The following NRP2 variants were observed in gnomAD, a reference collection of about 807,000 sequenced individuals.
The protein encoded by NRP2 is neuropilin 2.
NRP2 carries 52 observed loss-of-function variants against 110.4 expected under a neutral mutation model. That is an observed-to-expected ratio of 0.47 (90% CI 0.38 to 0.59). The LOEUF is 0.59. Ranked by LOEUF, NRP2 falls within the 20% of genes least tolerant of loss-of-function variation. The pLI is 0.00. For missense variants in NRP2, 1,049 were observed against 1,203.0 expected, an observed-to-expected ratio of 0.87 and a Z score of 1.89; for synonymous variants, 508 against 468.9, an observed-to-expected ratio of 1.08 and a Z score of -1.08.
chr2:205,683,641 CA>C (rs2056071918), intron 1 of NRP2, among the ~76,000 whole-genome samples: 1 of 151,994 alleles, frequency 6.6e-6, no homozygotes, highest in African/African-American at 2.4e-5. Flanking sequence ...TGGACTGAAT[CA>C]AAGGTTTAAA....
rs376188302 is a variant in NRP2 at position 205,716,411 on chromosome 2, G to T, written c.433+37G>T. ...CACACGTAGGGGCCGGGAGATGGGC[G>T]TCTTAGAGAAGAAGGAGGGACAGCA... On this transcript the variant is annotated intron_variant, in intron 3 of 16. Transcript: ENST00000357785. 14 of 1,608,524 alleles carry T rather than the reference G, an allele frequency of 8.7e-6. No individual in the cohort carries two copies. The African/African-American group carries it at 1.7e-4, about 20-fold the overall frequency.
chr2:205,705,502 G>A (rs1196930572), intron 2 of NRP2, among the ~76,000 whole-genome samples: 2 of 152,214 alleles, frequency 1.3e-5, no homozygotes, highest in Non-Finnish European at 1.5e-5. Context: ...TTGTAGCCAA[G>A]CATCTTGGCA....
At chr2:205,728,091 G>T (rs1316464113) in intron 7 of NRP2, 45 bp downstream of exon 7, 4 of 1,612,198 alleles carry the variant, frequency 2.5e-6, no homozygotes, top group Non-Finnish European at 3.4e-6. Flanking sequence ...ACCAGGGCAG[G>T]AGGGATGGGA....
intron 2 of NRP2, among the ~76,000 whole-genome samples, chr2:205,711,938 A>G (rs898178501): frequency 4.6e-5 from 7 of 152,226 alleles, no homozygotes; most frequent in Non-Finnish European, 8.8e-5. Context: ...TATGGAAACT[A>G]GAAAGCCCTT....
At chr2:205,761,204 A>G (rs2057815991) in intron 12 of NRP2, among the ~76,000 whole-genome samples, 2 of 152,230 alleles carry the variant, frequency 1.3e-5, no homozygotes, top group Admixed American at 1.3e-4. Flanking sequence ...GTATAGCCTC[A>G]TATCATTCTT....
chr2:205,740,109 C>T (rs2057414130), intron 7 of NRP2: 6 of 292,728 alleles, frequency 2.0e-5, no homozygotes, highest in South Asian at 2.0e-4. Context: ...TCCTAGGTGC[C>T]TGCAACATGA....
intron 3 of NRP2, among the ~76,000 whole-genome samples, chr2:205,717,816 G>T (rs945403418): frequency 6.6e-6 from 1 of 152,232 alleles, no homozygotes. Context: ...AAAAGAGAAA[G>T]AAATAAAAGG....
intron 15 of NRP2, chr2:205,776,824 G>C: frequency 7.6e-7 from 1 of 1,311,296 alleles, no homozygotes; most frequent in Non-Finnish European, 9.8e-7. Flanking sequence ...GGCTCAGCTG[G>C]TTTTGTTCCA....
rs903451335 is a variant in NRP2 at position 205,728,045 on chromosome 2, A to G, written c.1145A>G (p.Lys382Arg). ...WMVYRHGKNH[K>R]VFQANNDATE... ...GTGTACCGGCATGGCAAAAACCACAAGGTAAATCCATGATCCTACCTTAAA... is the reference window on the plus strand; with the variant it reads ...GTGTACCGGCATGGCAAAAACCACAGGGTAAATCCATGATCCTACCTTAAA... Residue 382 changes from lysine (K) to arginine (R), a missense_variant and splice_region_variant, in exon 7 of 17, where the codon AAG becomes AGG. By Grantham distance (26) the Lys-to-Arg change is conservative. Coordinates refer to ENST00000357785, the MANE Select transcript of NRP2 (RefSeq NM_003872.3). The G allele has an allele frequency of 3.1e-6, 5 of 1,614,114 alleles. No homozygotes were observed. The highest frequency in any genetic ancestry group is 1.6e-4 in the Middle Eastern group (1 of 6,062).
intron 1 of NRP2, among the ~76,000 whole-genome samples, chr2:205,693,022 A>G (rs564490964): frequency 6.6e-6 from 1 of 152,288 alleles, no homozygotes; most frequent in African/African-American, 2.4e-5. Flanking sequence ...TGCTATTTCT[A>G]ATAAACTTCC....
chr2:205,695,359 C>T (rs950645800), intron 1 of NRP2, among the ~76,000 whole-genome samples: 1 of 152,096 alleles, frequency 6.6e-6, no homozygotes, highest in Non-Finnish European at 1.5e-5. Context: ...AACCTTCCTG[C>T]GAAGAAGTTT....
intron 2 of NRP2, among the ~76,000 whole-genome samples, chr2:205,713,056 AG>A (rs2105784071): frequency 6.6e-6 from 1 of 152,310 alleles, no homozygotes; most frequent in South Asian, 2.1e-4. Context: ...CATTACAAGA[AG>A]GGATTTGGGG....
chr2:205,748,789 T>C (rs1250877009), intron 10 of NRP2, among the ~76,000 whole-genome samples: 1 of 152,116 alleles, frequency 6.6e-6, no homozygotes, highest in Non-Finnish European at 1.5e-5. Context: ...AGCACCAGTT[T>C]CCAGAACCCC....
chr2:205,709,621 A>G (rs940581284), intron 2 of NRP2, among the ~76,000 whole-genome samples: 7 of 152,134 alleles, frequency 4.6e-5, no homozygotes, highest in Non-Finnish European at 1.5e-5. Flanking sequence ...GTTACACAAC[A>G]CCCTCTTAGG....
At chr2:205,754,352 G>A (rs990698519) in intron 12 of NRP2, among the ~76,000 whole-genome samples, 4 of 152,204 alleles carry the variant, frequency 2.6e-5, no homozygotes, top group Non-Finnish European at 5.9e-5. Context: ...GAGAACACTT[G>A]GAGCTGGCCT....
At chr2:205,767,073 T>C in intron 15 of NRP2, 1 of 546,750 alleles carries the variant, frequency 1.8e-6, no homozygotes. Context: ...CAGCCTTGCA[T>C]TGTCCAACGG....
At chr2:205,726,433 G>A (rs1040389924) in intron 6 of NRP2, among the ~76,000 whole-genome samples, 1 of 152,138 alleles carries the variant, frequency 6.6e-6, no homozygotes, top group African/African-American at 2.4e-5. Flanking sequence ...GACATGGGGG[G>A]CATTCTCCTA....
chr2:205,719,330 G>A (rs775665674), intron 3 of NRP2, among the ~76,000 whole-genome samples: 22 of 152,164 alleles, frequency 1.4e-4, no homozygotes, highest in Non-Finnish European at 1.3e-4. Context: ...TGTGGCTGGC[G>A]TGGAAGGTTC....
At chr2:205,788,087 C>T (rs2058255805) in intron 15 of NRP2, among the ~76,000 whole-genome samples, 2 of 152,072 alleles carry the variant, frequency 1.3e-5, no homozygotes, top group Non-Finnish European at 2.9e-5. Flanking sequence ...TCATAACTAG[C>T]CACCCTGGTC....
Sources: allele counts gnomAD v4.1 joint callset (sites outside exome capture counted in the v4.1 genomes callset), GRCh38; gene constraint gnomAD v4.1.1; transcripts MANE v1.5; gene names NCBI Gene and HGNC (gene_info 2026-07-23, HGNC 2026-07-21).